The following CAPRIN1 variants were observed in gnomAD, a reference collection of about 807,000 sequenced individuals.
CAPRIN1 encodes caprin-1.
Under a neutral mutation model 100.9 loss-of-function variants are expected in CAPRIN1, and 29 were observed. That is an observed-to-expected ratio of 0.29 (90% CI 0.21 to 0.39). CAPRIN1 has a LOEUF of 0.39. Among genes scored for constraint, CAPRIN1 ranks in the 10% least tolerant of loss-of-function variants. The probability of loss-of-function intolerance (pLI) is 1.00; values close to 1 mark genes in which losing one functional copy is unlikely to be tolerated. For synonymous variants in CAPRIN1, 338 were observed against 307.5 expected, an observed-to-expected ratio of 1.10 and a Z score of -1.04; for missense variants, 795 against 876.7, an observed-to-expected ratio of 0.91 and a Z score of 1.18.
In CAPRIN1 at chr11:34,068,950, T is replaced by C. The variant is rs373983219; in HGVS notation, c.217-2776T>C. ...TTTTCTTGAAAAATGTACAATACTA[T>C]AGAAAAATGAAGATAGTAAATACCA... On this transcript the variant is annotated intron_variant, in intron 2 of 18. Transcript: ENST00000341394. Among the ~76,000 whole-genome samples, 4 of 152,280 alleles carry C rather than the reference T, an allele frequency of 2.6e-5. No homozygotes were observed. In the East Asian group the frequency reaches 7.7e-4, roughly 29 times the overall value.
intron 4 of CAPRIN1, among the ~76,000 whole-genome samples, chr11:34,072,931 A>G (rs1850830637): frequency 6.6e-6 from 1 of 152,232 alleles, no homozygotes; most frequent in Admixed American, 6.5e-5. Flanking sequence ...AGTAGTCAGT[A>G]CAGTAACATG....
intron 2 of CAPRIN1, among the ~76,000 whole-genome samples, chr11:34,057,307 TTG>T (rs1434479322): frequency 6.6e-6 from 1 of 152,174 alleles, no homozygotes; most frequent in Non-Finnish European, 1.5e-5. Context: ...CTGTGTGTGT[TTG>T]TATGTGTAGC....
At chr11:34,077,708 T>C (rs1442660108) in intron 6 of CAPRIN1, among the ~76,000 whole-genome samples, 1 of 152,234 alleles carries the variant, frequency 6.6e-6, no homozygotes, top group Non-Finnish European at 1.5e-5. Context: ...CAGATTGGAT[T>C]ATAAGCTTTA....
At chr11:34,061,832 G>A (rs939324501) in intron 2 of CAPRIN1, among the ~76,000 whole-genome samples, 4 of 152,100 alleles carry the variant, frequency 2.6e-5, no homozygotes, top group Non-Finnish European at 2.9e-5. Context: ...TTAGCCGTGC[G>A]TAGTGGCTTA....
At position 34,062,391 on chromosome 11, in the gene CAPRIN1, C is replaced by T. The variant is rs150724128; in HGVS notation, c.217-9335C>T. On this transcript the variant is annotated intron_variant, in intron 2 of 18. Coordinates refer to ENST00000341394, the MANE Select transcript of CAPRIN1 (RefSeq NM_005898.5). ...CTGTAATCCCAGCACTTTGGGAGGC[C>T]GAGGCGGGCGGATCACGAGGTCAGG... is the stretch of plus-strand genomic sequence containing the variant. 8.0e-3 allele frequency among the ~76,000 whole-genome samples: 1,209 copies of T among 151,916 alleles called. 12 individuals carry two copies. Among genetic ancestry groups the T allele is most frequent in the African/African-American group, 0.027 (1,117 of 41,402 alleles).
chr11:34,080,322 T>G (rs1851002711), intron 7 of CAPRIN1, among the ~76,000 whole-genome samples: 1 of 152,212 alleles, frequency 6.6e-6, no homozygotes, highest in South Asian at 2.1e-4. Flanking sequence ...ATCACTATTA[T>G]AAACTGATAG....
chr11:34,069,373 C>G (rs1433581415), intron 2 of CAPRIN1, among the ~76,000 whole-genome samples: 1 of 152,042 alleles, frequency 6.6e-6, no homozygotes, highest in Non-Finnish European at 1.5e-5. Flanking sequence ...TGGTCTTGAA[C>G]TCATGACCTT....
At chr11:34,083,240 C>A (rs1277499738) in intron 9 of CAPRIN1, among the ~76,000 whole-genome samples, 199 bp downstream of exon 9, 2 of 152,110 alleles carry the variant, frequency 1.3e-5, no homozygotes, top group Admixed American at 1.3e-4. Context: ...CTTTGCTGAA[C>A]CAATCTAAAA....
chr11:34,061,213 T>C (rs1225063063), intron 2 of CAPRIN1, among the ~76,000 whole-genome samples: 1 of 150,038 alleles, frequency 6.7e-6, no homozygotes, highest in Non-Finnish European at 1.5e-5. Flanking sequence ...TTTTTTTTTT[T>C]TTTTTTTTTT....
At chr11:34,089,556 C>A in intron 12 of CAPRIN1, 100 bp downstream of exon 12, 1 of 663,984 alleles carries the variant, frequency 1.5e-6, no homozygotes, top group Non-Finnish European at 2.7e-6. Flanking sequence ...CACTTGAGGT[C>A]AGGAGTTCAA....
In CAPRIN1 at chr11:34,096,488, C is replaced by A. The variant is rs1239716639; in HGVS notation, c.1715C>A (p.Thr572Asn). Residue 572 changes from threonine to asparagine, a missense_variant, in exon 16 of 19, where the codon ACT becomes AAT. This residue lies in a region of CAPRIN1 where 648 missense variants were observed against 697.9 expected (regional missense o/e 0.93). Transcript: ENST00000341394. ...QQEQLQTVVG[T>N]YHGSPDQSHQ... ...CTTTTTTAAATTATAGTGGTTGGCA[C>A]TTACCATGGTTCCCCAGACCAGTCC... The A allele has an allele frequency of 6.2e-7, 1 of 1,613,546 alleles. No individual in the cohort carries two copies. Among genetic ancestry groups the A allele is most frequent in the East Asian group, 2.2e-5 (1 of 44,884 alleles).
chr11:34,098,199 A>G, intron 18 of CAPRIN1: 1 of 995,468 alleles, frequency 1.0e-6, no homozygotes, highest in Non-Finnish European at 1.2e-6. Flanking sequence ...TAATGGCCGG[A>G]TAAGCCATAG....
rs751776887 is a variant in CAPRIN1, at chr11:34,082,941, A to T, written c.880-14A>T. 10 of 1,612,874 alleles carry T rather than the reference A, an allele frequency of 6.2e-6. No homozygotes were observed. Among genetic ancestry groups the T allele is most frequent in the Non-Finnish European group, 8.5e-6 (10 of 1,178,804 alleles). ...TTTCAAACAAATGTCTCAAACATTTACTTTGCTTTGCAGTATGTAAATAGA... is the reference window on the plus strand; with the variant it reads ...TTTCAAACAAATGTCTCAAACATTTTCTTTGCTTTGCAGTATGTAAATAGA... On this transcript the variant is annotated splice_polypyrimidine_tract_variant and intron_variant, in intron 8 of 18. Coordinates refer to ENST00000341394, the MANE Select transcript of CAPRIN1 (RefSeq NM_005898.5).
rs1851394599 is a variant in CAPRIN1, at chr11:34,097,747, G to A, written c.2051G>A (p.Arg684Gln). The change falls in exon 18 of 19, where the codon CGG (arginine) becomes CAG (glutamine). Residue 684 changes from arginine (R) to glutamine (Q), a missense_variant. Physicochemically the swap from Arg to Gln is conservative, Grantham distance 43 (BLOSUM62 1). This residue lies in a region of CAPRIN1 where 648 missense variants were observed against 697.9 expected (regional missense o/e 0.93). Transcript: ENST00000341394. ...CGAGGCTCTGGGCAGAGTGGACCACGGGGAGCCCCACGAGGTAATATTTTG... is the reference window on the plus strand; with the variant it reads ...CGAGGCTCTGGGCAGAGTGGACCACAGGGAGCCCCACGAGGTAATATTTTG... ...FKRGSGQSGP[R>Q]GAPRGRGGPP... The A allele has an allele frequency of 6.2e-7, 1 of 1,613,992 alleles. No individual in the cohort carries two copies. The highest frequency in any genetic ancestry group is 8.5e-7 in the Non-Finnish European group (1 of 1,179,912).
Position 34,090,298 on chromosome 11 carries a change from T to A in CAPRIN1, c.1404+9T>A. On this transcript the variant is annotated intron_variant, in intron 13 of 18. Transcript: ENST00000341394. ...CAATTGATCAGATTCAGGCAAGTTC[T>A]GTTACCGGGTCACATACATTTGATG... The A allele has an allele frequency of 6.4e-7, 1 of 1,570,158 alleles. No homozygotes were observed. The highest frequency in any genetic ancestry group is 8.8e-7 in the Non-Finnish European group (1 of 1,140,202).
intron 9 of CAPRIN1, among the ~76,000 whole-genome samples, chr11:34,085,611 G>C (rs2134123525): frequency 6.6e-6 from 1 of 152,208 alleles, no homozygotes; most frequent in East Asian, 1.9e-4. Context: ...AGACCAGCCT[G>C]GCCAATATGG....
chr11:34,069,148 TTAG>T (rs893140649), intron 2 of CAPRIN1, among the ~76,000 whole-genome samples: 3 of 149,600 alleles, frequency 2.0e-5, no homozygotes, highest in African/African-American at 5.0e-5. Context: ...CAAAACTTAT[TTAG>T]TTTTTTTTTT....
At chr11:34,052,854 G>A (rs1590714245) in intron 2 of CAPRIN1, 1 of 1,431,478 alleles carries the variant, frequency 7.0e-7, no homozygotes, top group African/African-American at 1.4e-5. Context: ...TGACTCGGAC[G>A]CGGCACTGTA....
chr11:34,098,710 C>A (rs1365620430), intron 18 of CAPRIN1: 1 of 985,248 alleles, frequency 1.0e-6, no homozygotes, highest in Non-Finnish European at 1.2e-6. Flanking sequence ...TATGTTCTTT[C>A]CCACCTTGTA....
Sources: allele counts gnomAD v4.1 joint callset (sites outside exome capture counted in the v4.1 genomes callset), GRCh38; gene constraint gnomAD v4.1.1; regional missense constraint gnomAD v4.1.1; transcripts MANE v1.5; gene names NCBI Gene and HGNC (gene_info 2026-07-23, HGNC 2026-07-21).